NRG2: variants seen among roughly 807,000 people sequenced by gnomAD.
NRG2 encodes pro-neuregulin-2, membrane-bound isoform.
In NRG2, 27 loss-of-function variants were observed where a neutral mutation model predicts 73.9. The observed-to-expected ratio is 0.37, with a 90% confidence interval of 0.27 to 0.50. NRG2 has a LOEUF of 0.50. Ranked by LOEUF, NRG2 falls within the 20% of genes least tolerant of loss-of-function variation. The pLI is 0.96. For synonymous variants in NRG2, 532 were observed against 541.0 expected (o/e 0.98, Z 0.23); for missense variants, 1,126 against 1,210.1 (o/e 0.93, Z 1.03).
chr5:140,027,812 G>T (rs1190931440), intron 1 of NRG2, among the ~76,000 whole-genome samples: 2 of 152,110 alleles, frequency 1.3e-5, no homozygotes, highest in Non-Finnish European at 1.5e-5. Context: ...CACCAGCTTG[G>T]ATGAAAAGGG....
At chr5:139,895,253 G>A (rs1457778871) in intron 1 of NRG2, among the ~76,000 whole-genome samples, 1 of 152,240 alleles carries the variant, frequency 6.6e-6, no homozygotes, top group Non-Finnish European at 1.5e-5. Context: ...GGCTCTGCAA[G>A]GCCAGGGAGA....
At chr5:139,939,226 T>C (rs1161796515) in intron 1 of NRG2, among the ~76,000 whole-genome samples, 11 of 146,066 alleles carry the variant, frequency 7.5e-5, no homozygotes, top group Non-Finnish European at 6.0e-5. Flanking sequence ...CTTCCTTCCT[T>C]CCTTCCTTCC....
intron 1 of NRG2, among the ~76,000 whole-genome samples, chr5:139,905,520 G>A (rs1026923819): frequency 3.3e-5 from 5 of 152,210 alleles, no homozygotes; most frequent in Non-Finnish European, 7.3e-5. Flanking sequence ...TAGGACTCTG[G>A]GTCAAGGCCA....
intron 1 of NRG2, among the ~76,000 whole-genome samples, chr5:139,949,632 T>C (rs974193804): frequency 1.3e-5 from 2 of 152,248 alleles, no homozygotes; most frequent in Non-Finnish European, 2.9e-5. Flanking sequence ...GGAACTTATA[T>C]TTTACTTAAG....
chr5:139,871,613 G>A (rs1393337160), intron 4 of NRG2, 108 bp downstream of exon 4: 4 of 1,431,592 alleles, frequency 2.8e-6, no homozygotes, highest in Non-Finnish European at 2.9e-6. Context: ...ACCCCTTGGG[G>A]ACCTCTTGTC....
chr5:139,977,569 T>C (rs1380680959), intron 1 of NRG2, among the ~76,000 whole-genome samples: 2 of 152,192 alleles, frequency 1.3e-5, no homozygotes, highest in African/African-American at 2.4e-5. Flanking sequence ...CCAGTGACTT[T>C]CTTCACAGAA....
Position 139,848,372 on chromosome 5 carries a change from G to A in NRG2, c.2098C>T (p.Leu700=). Residue 700 remains leucine, a synonymous_variant, in exon 10 of 10, where the codon CTG becomes TTG. Transcript: ENST00000361474. ...TCALGGSLGS[L]PASPFRIPED... ...GGGATGCGGAAGGGGCTGGCAGGCA[G>A]GCTGCCCAGGCTGCCGCCGAGCGCG... 1 of 1,243,430 alleles carries A rather than the reference G, an allele frequency of 8.0e-7. No homozygotes were observed. The highest frequency in any genetic ancestry group is 1.0e-6 in the Non-Finnish European group (1 of 999,308). 77.0% of individuals were successfully genotyped at this position (1,243,430 alleles called of 1,614,324 possible). A position where few individuals can be genotyped will look rare whatever the true frequency, so the allele number is the denominator to read the frequency against.
At chr5:139,895,599 T>G (rs1764498588) in intron 1 of NRG2, among the ~76,000 whole-genome samples, 5 of 152,198 alleles carry the variant, frequency 3.3e-5, no homozygotes, top group Admixed American at 3.3e-4. Context: ...TTTGTCCCAG[T>G]CTCCCAATTT....
intron 1 of NRG2, among the ~76,000 whole-genome samples, chr5:139,955,207 G>A (rs1156378557): frequency 1.3e-5 from 2 of 152,134 alleles, no homozygotes; most frequent in African/African-American, 4.8e-5. Context: ...ACACTTCAAC[G>A]CCATCAAGGA....
At chr5:139,941,555 A>C (rs1299373349) in intron 1 of NRG2, among the ~76,000 whole-genome samples, 2 of 152,208 alleles carry the variant, frequency 1.3e-5, no homozygotes, top group African/African-American at 4.8e-5. Context: ...ATCAATCCAT[A>C]AGCATATGAT....
intron 1 of NRG2, among the ~76,000 whole-genome samples, chr5:140,017,946 C>T (rs1759927998): frequency 6.6e-6 from 1 of 152,084 alleles, no homozygotes; most frequent in Non-Finnish European, 1.5e-5. Context: ...GAGGACTGGC[C>T]TCAGACTAGG....
intron 3 of NRG2, among the ~76,000 whole-genome samples, chr5:139,877,229 AG>A (rs1483619183): frequency 6.6e-6 from 1 of 152,188 alleles, no homozygotes; most frequent in African/African-American, 2.4e-5. Flanking sequence ...CCTGCCCGCC[AG>A]TTCAGGAAGG....
At chr5:139,892,932 C>T (rs1388425882) in intron 1 of NRG2, among the ~76,000 whole-genome samples, 1 of 152,158 alleles carries the variant, frequency 6.6e-6, no homozygotes, top group African/African-American at 2.4e-5. Flanking sequence ...CTGTGTTTGG[C>T]CCCAGACAGA....
At chr5:139,995,300 T>C (rs1463902786) in intron 1 of NRG2, among the ~76,000 whole-genome samples, 2 of 152,092 alleles carry the variant, frequency 1.3e-5, no homozygotes, top group East Asian at 3.8e-4. Context: ...CATAACCTTT[T>C]CCCAGAGAGG....
At chr5:139,873,650 G>T (rs1293871391) in intron 3 of NRG2, among the ~76,000 whole-genome samples, 1 of 152,276 alleles carries the variant, frequency 6.6e-6, no homozygotes, top group Non-Finnish European at 1.5e-5. Flanking sequence ...CCTCCTGTGG[G>T]TGTTGGCTAA....
chr5:139,899,198 T>C (rs965555495), intron 1 of NRG2, among the ~76,000 whole-genome samples: 1 of 152,250 alleles, frequency 6.6e-6, no homozygotes, highest in African/African-American at 2.4e-5. Flanking sequence ...TACAGGGCTC[T>C]GCTCCAGGAG....
rs146519778 is a variant in NRG2 at position 139,953,413 on chromosome 5, C to T, written c.701-65902G>A. On this transcript the variant is annotated intron_variant, in intron 1 of 9. Coordinates refer to ENST00000361474, the MANE Select transcript of NRG2 (RefSeq NM_004883.3). ...AGCCAGGCATTCTGGATGCTTCTGG[C>T]AGGGAAGGCACTAGAATATCTATCT... 3.6e-3 allele frequency among the ~76,000 whole-genome samples: 542 copies of T among 152,292 alleles called. 3 individuals are homozygous for T. Among genetic ancestry groups the T allele is most frequent in the African/African-American group, 0.012 (512 of 41,548 alleles).
At position 139,847,881 on chromosome 5, in the gene NRG2, TG is replaced by T; in HGVS notation, c.*35del. On this transcript the variant is annotated 3_prime_UTR_variant, in exon 10 of 10. Transcript: ENST00000361474. ...CGGTCTCTGGTCTCCTTAAAGATAG[TG>T]GGGCGGGCGGGGCGGAGGGGCGCGC... 8.5e-7 allele frequency: 1 copy of T among 1,174,452 alleles called. No individual in the cohort carries two copies. The highest frequency in any genetic ancestry group is 1.1e-6 in the Non-Finnish European group (1 of 909,152). The allele number at this position is 1,174,452 out of a possible 1,614,324, so 72.8% of individuals were successfully genotyped here.
chr5:139,919,377 G>A (rs1751498999), intron 1 of NRG2, among the ~76,000 whole-genome samples: 1 of 152,106 alleles, frequency 6.6e-6, no homozygotes, highest in Non-Finnish European at 1.5e-5. Flanking sequence ...CTAGAGAGAG[G>A]AGGTGGCAAG....
Sources: gnomAD v4.1 joint callset for allele counts (sites outside exome capture counted in the v4.1 genomes callset) on GRCh38, gnomAD v4.1.1 for gene constraint, MANE v1.5 for transcripts, NCBI Gene and HGNC (gene_info 2026-07-23, HGNC 2026-07-21) for gene names.